Variants in MORN1 observed in about 807,000 individuals in gnomAD.
MORN1 encodes the protein MORN repeat-containing protein 1.
Under a neutral mutation model 61.9 loss-of-function variants are expected in MORN1, and 67 were observed. The ratio of observed to expected loss-of-function variants is 1.08; its 90% CI spans 0.89 to 1.33. The LOEUF is 1.33. Among genes scored for constraint, MORN1 ranks in the 40% most tolerant of loss-of-function variants. The pLI, the probability that MORN1 is intolerant of heterozygous loss-of-function variation, is 0.00. For missense variants in MORN1, 752 were observed against 691.2 expected (o/e 1.09, Z -0.99); for synonymous variants, 301 against 292.0 (o/e 1.03, Z -0.31).
intron 7 of MORN1, 98 bp downstream of exon 7, chr1:2,374,363 T>G: frequency 2.0e-6 from 2 of 1,002,414 alleles, no homozygotes; most frequent in Non-Finnish European, 3.0e-6. Context: ...CCCTCCCCAG[T>G]GTGCTCTTGG....
intron 1 of MORN1, chr1:2,390,315 G>C: frequency 1.4e-6 from 1 of 701,222 alleles, no homozygotes; most frequent in Non-Finnish European, 1.8e-6. Context: ...TGAGGAGCAG[G>C]TTGGGAGCCT....
In MORN1 at chr1:2,323,489, G is replaced by T. The variant is rs964028514; in HGVS notation, c.1297+608C>A. 29 of 985,428 alleles carry T rather than the reference G, an allele frequency of 2.9e-5. No homozygotes were observed. In the South Asian group the frequency reaches 1.2e-3, roughly 40 times the overall value. The allele number at this position is 985,428 out of a possible 1,614,324, so 61.0% of individuals were successfully genotyped here. ...GCCGCGGTGCCCAGGTCCTGCTAGG[G>T]GTCCGAGCCTTTGTGTAGCTGAGGT... On this transcript the variant is annotated intron_variant, in intron 13 of 13. Transcript: ENST00000378531.
At chr1:2,343,671 C>T (rs1189946156) in intron 10 of MORN1, among the ~76,000 whole-genome samples, 1 of 152,178 alleles carries the variant, frequency 6.6e-6, no homozygotes, top group Non-Finnish European at 1.5e-5. Flanking sequence ...CACAGCTGTC[C>T]TGGGCTCTCA....
At position 2,331,487 on chromosome 1, in the gene MORN1, A is replaced by G. The variant is rs370541552; in HGVS notation, c.1250+4982T>C. 1.8e-4 allele frequency among the ~76,000 whole-genome samples: 27 copies of G among 152,284 alleles called. 1 individual carries two copies. The highest frequency in any genetic ancestry group is 6.3e-4 in the African/African-American group (26 of 41,582). On this transcript the variant is annotated intron_variant, in intron 12 of 13. Transcript: ENST00000378531. ...CTGGCTGTGTCTGTAGGGCCCTCGCAGCAGGACCCTCCTTTCTGGCCACCC... is the reference window on the plus strand; with the variant it reads ...CTGGCTGTGTCTGTAGGGCCCTCGCGGCAGGACCCTCCTTTCTGGCCACCC...
chr1:2,345,158 G>A (rs1030133797), intron 10 of MORN1, among the ~76,000 whole-genome samples: 3 of 152,184 alleles, frequency 2.0e-5, no homozygotes, highest in Non-Finnish European at 2.9e-5. Context: ...GAGGGTCCAC[G>A]TGTGCTCACC....
At chr1:2,387,814 T>G in intron 3 of MORN1, 1 of 458,376 alleles carries the variant, frequency 2.2e-6, no homozygotes, top group Non-Finnish European at 4.0e-6. Flanking sequence ...GGGTGAGGTT[T>G]TTCCCTGGCT....
chr1:2,332,227 G>A (rs75273719), intron 12 of MORN1: 37,462 of 206,464 alleles, frequency 0.18, 3,986 homozygotes, highest in South Asian at 0.22. Context: ...GGGCACCGGC[G>A]TCCCCCAGTG....
In MORN1 at chr1:2,339,293, C is replaced by T. The variant is rs1305865806; in HGVS notation, c.1037-2443G>A. Among the ~76,000 whole-genome samples the T allele has an allele frequency of 3.9e-5, 6 of 152,186 alleles. No individual in the cohort carries two copies. The East Asian group carries it at 5.8e-4, about 15-fold the overall frequency. On this transcript the variant is annotated intron_variant, in intron 10 of 13. Coordinates refer to ENST00000378531, the MANE Select transcript of MORN1 (RefSeq NM_024848.3). The stretch of plus-strand genomic sequence containing the variant: ...ACCTCCCCCTCCCTCAGGCTCTTAC[C>T]GCCGCATGGCACGGGTCCACGGAGG...
chr1:2,387,238 G>T, intron 4 of MORN1, 181 bp downstream of exon 4: 1 of 618,306 alleles, frequency 1.6e-6, no homozygotes, highest in South Asian at 1.8e-5. Flanking sequence ...GCATACTGGT[G>T]TATGCCGGGC....
intron 12 of MORN1, among the ~76,000 whole-genome samples, chr1:2,331,122 T>C (rs951169363): frequency 4.6e-5 from 7 of 152,278 alleles, no homozygotes; most frequent in African/African-American, 1.7e-4. Context: ...GGGAGGGCCA[T>C]CCCGTCCACC....
At position 2,334,699 on chromosome 1, in the gene MORN1, C is replaced by T. The variant is rs772183385; in HGVS notation, c.1250+1770G>A. Reference sequence around the variant, plus strand: ...GAACACTCCGACTCCGCGGCCAGGTCGTCCTGGGATTGAAACAATCCTAGT... The same window carrying T: ...GAACACTCCGACTCCGCGGCCAGGTTGTCCTGGGATTGAAACAATCCTAGT... On this transcript the variant is annotated intron_variant, in intron 12 of 13. Transcript: ENST00000378531. The surrounding 1 kb of genome is among the most constrained non-coding windows in gnomAD (Gnocchi z 5.4). Among the ~76,000 whole-genome samples, 14 of 152,212 alleles carry T rather than the reference C, an allele frequency of 9.2e-5. No homozygotes were observed. Among genetic ancestry groups the T allele is most frequent in the East Asian group, 1.9e-4 (1 of 5,190 alleles).
At chr1:2,342,152 C>T (rs116378686) in intron 10 of MORN1, among the ~76,000 whole-genome samples, 3,066 of 152,384 alleles carry the variant, frequency 0.02, 42 homozygotes, top group Non-Finnish European at 0.029. Context: ...CCTCGGGAAC[C>T]GAGAGGCTGA....
At chr1:2,326,392 G>A (rs1258477580) in intron 12 of MORN1, 2 of 152,102 alleles carry the variant, frequency 1.3e-5, no homozygotes, top group African/African-American at 4.8e-5. Flanking sequence ...AATCCTGAGA[G>A]CTTTTACAGA....
chr1:2,323,709 C>T (rs576970416), intron 13 of MORN1: 3 of 985,362 alleles, frequency 3.0e-6, no homozygotes, highest in Non-Finnish European at 3.6e-6. Flanking sequence ...CCAAGCCCTG[C>T]AGCCGGCCTT....
intron 12 of MORN1, among the ~76,000 whole-genome samples, chr1:2,325,818 T>C (rs1234062357): frequency 6.6e-6 from 1 of 151,864 alleles, no homozygotes; most frequent in East Asian, 1.9e-4. Context: ...GGGGATGGGG[T>C]CTCACTATGT....
rs77162323 is a variant in MORN1, at chr1:2,325,597, C to T, written c.1251-1454G>A. On this transcript the variant is annotated intron_variant, in intron 12 of 13. Transcript: ENST00000378531. ...CCTGGGCTCAGGAGAATCCTTCCAC[C>T]TCCGCCTCCCAAAGTGCTGGGATCA... Among the ~76,000 whole-genome samples, 1,247 of 149,734 alleles carry T rather than the reference C, an allele frequency of 8.3e-3. 13 individuals carry two copies. Among genetic ancestry groups the T allele is most frequent in the African/African-American group, 0.029 (1,186 of 40,604 alleles).
intron 10 of MORN1, among the ~76,000 whole-genome samples, chr1:2,340,444 C>T (rs570801417): frequency 1.1e-4 from 16 of 152,312 alleles, no homozygotes; most frequent in African/African-American, 3.8e-4. Context: ...CCTCCCCTCG[C>T]TCCATGACAC....
chr1:2,376,008 T>C (rs533697724), intron 6 of MORN1: 1 of 152,392 alleles, frequency 6.6e-6, no homozygotes, highest in African/African-American at 2.4e-5. Flanking sequence ...GCTGACCACA[T>C]GTGGGGTCAG....
intron 10 of MORN1, among the ~76,000 whole-genome samples, chr1:2,354,800 G>A (rs748884562): frequency 2.6e-4 from 39 of 152,362 alleles, no homozygotes; most frequent in Non-Finnish European, 3.5e-4. Flanking sequence ...CAGAGTGAAA[G>A]CAGCAGCCCA....
Sources: allele counts gnomAD v4.1 joint callset (sites outside exome capture counted in the v4.1 genomes callset), GRCh38; gene constraint gnomAD v4.1.1; non-coding constraint Gnocchi (gnomAD v3.1); transcripts MANE v1.5; gene names NCBI Gene and HGNC (gene_info 2026-07-23, HGNC 2026-07-21).